NRK: variants seen among roughly 807,000 people sequenced by gnomAD.
The protein encoded by NRK is nik-related protein kinase.
In NRK, 67 loss-of-function variants were observed where a neutral mutation model predicts 125.2. The ratio of observed to expected loss-of-function variants is 0.54; its 90% confidence interval spans 0.44 to 0.66. The LOEUF (loss-of-function observed/expected upper bound fraction) is 0.66, where lower values mean the gene tolerates loss of function less well. NRK is among the 30% of genes least tolerant of loss of function. The probability of loss-of-function intolerance (pLI) is 0.00; values close to 1 mark genes in which losing one functional copy is unlikely to be tolerated. For missense variants in NRK, 1,224 were observed against 1,192.9 expected, an observed-to-expected ratio of 1.03 and a Z score of -0.38; for synonymous variants, 458 against 429.0, an observed-to-expected ratio of 1.07 and a Z score of -0.84.
intron 4 of NRK, among the ~76,000 whole-genome samples, chrX:105,887,695 C>T (rs916944360): frequency 8.9e-6 from 1 of 111,788 alleles, no homozygotes. Context: ...AAGAACTAGT[C>T]ACAAAAGACC....
chrX:105,869,898 A>G (rs1448512504), intron 2 of NRK, among the ~76,000 whole-genome samples: 1 of 109,545 alleles, frequency 9.1e-6, no homozygotes, highest in Non-Finnish European at 1.9e-5. Context: ...CATGCATTAC[A>G]TAAAGAAAGC....
At chrX:105,877,600 T>C (rs1399861928) in intron 2 of NRK, among the ~76,000 whole-genome samples, 2 of 110,809 alleles carry the variant, frequency 1.8e-5, no homozygotes, top group Non-Finnish European at 3.8e-5. Context: ...GGAACTCTTC[T>C]GAAATGCTCT....
At position 105,868,783 on chromosome X, in the gene NRK, A is replaced by G. The variant is rs900395387; in HGVS notation, c.124-11416A>G. Among the ~76,000 whole-genome samples the G allele has an allele frequency of 4.9e-5, 5 of 102,860 alleles. No homozygotes were observed. In the Admixed American group the frequency reaches 5.4e-4, roughly 11 times the overall value. 89.3% of individuals were successfully genotyped at this position (102,860 alleles called of 115,157 possible). ...ATATATTGAGGGGTTTAACTCTGAG[A>G]CTTTCAGTTGATTTCACACTCTTCA... On this transcript the variant is annotated intron_variant, in intron 2 of 28. Coordinates refer to ENST00000243300, the MANE Select transcript of NRK (RefSeq NM_198465.4).
Position 105,844,438 on chromosome X carries a change from G to T in NRK, c.123+13319G>T, listed in dbSNP as rs777247653. On this transcript the variant is annotated intron_variant, in intron 2 of 28. Coordinates refer to ENST00000243300, the MANE Select transcript of NRK (RefSeq NM_198465.4). The stretch of plus-strand genomic sequence containing the variant: ...TTTGATGGAAATTACCAAAATGTTT[G>T]TTGGAATCTGGAACACATAGCCTTA... 2.7e-5 allele frequency among the ~76,000 whole-genome samples: 3 copies of T among 112,059 alleles called. No homozygotes were observed. In the East Asian group the frequency reaches 8.5e-4, roughly 32 times the overall value.
intron 2 of NRK, among the ~76,000 whole-genome samples, chrX:105,877,162 A>T (rs1351306660): frequency 8.9e-6 from 1 of 111,789 alleles, no homozygotes; most frequent in Non-Finnish European, 1.9e-5. Context: ...AAAAATTCAC[A>T]TAACCTCAAT....
chrX:105,943,375 C>CTA (rs1356823054), intron 23 of NRK, among the ~76,000 whole-genome samples: 1 of 111,889 alleles, frequency 8.9e-6, no homozygotes, highest in Non-Finnish European at 1.9e-5. Flanking sequence ...TTCCATTGAT[C>CTA]TATATGTCTC....
Position 105,912,743 on chromosome X carries a change from T to TA in NRK, c.2344dup (p.Ile782AsnfsTer2), listed in dbSNP as rs765512231. ...CATTGAAGCCATACATTTCAAATCC[T>TA]AAAAAAATTGAGGTAAATTTTTCAA... is the stretch of plus-strand genomic sequence containing the variant. On this transcript the variant is annotated frameshift_variant, in exon 14 of 29. Coordinates refer to ENST00000243300, the MANE Select transcript of NRK (RefSeq NM_198465.4). LOFTEE classifies it high-confidence loss of function. The TA allele has an allele frequency of 2.8e-6, 3 of 1,054,935 alleles. No individual in the cohort carries two copies. The highest frequency in any genetic ancestry group is 1.9e-5 in the African/African-American group (1 of 52,323). 86.9% of individuals were successfully genotyped at this position (1,054,935 alleles called of 1,213,427 possible).
intron 19 of NRK, among the ~76,000 whole-genome samples, chrX:105,930,463 A>G (rs2147778485): frequency 9.0e-6 from 1 of 110,527 alleles, no homozygotes; most frequent in East Asian, 2.9e-4. Context: ...TTTCTCATTC[A>G]GATCATGATT....
At chrX:105,877,867 T>C (rs769274438) in intron 2 of NRK, among the ~76,000 whole-genome samples, 9 of 111,207 alleles carry the variant, frequency 8.1e-5, no homozygotes, top group Admixed American at 3.8e-4. Context: ...TTCTGTTTTA[T>C]GGCCATGGTT....
intron 1 of NRK, among the ~76,000 whole-genome samples, chrX:105,826,252 TAATA>T (rs1041838055): frequency 9.6e-5 from 8 of 83,152 alleles, no homozygotes; most frequent in Non-Finnish European, 1.8e-4. Context: ...ATATATATGA[TAATA>T]TATATTTCAT....
chrX:105,948,775 G>A (rs2040852593), intron 26 of NRK: 2 of 431,780 alleles, frequency 4.6e-6, no homozygotes, highest in Non-Finnish European at 7.8e-6. Context: ...TATAGTTTCT[G>A]ACTTTTTTTT....
intron 1 of NRK, 63 bp downstream of exon 1, chrX:105,822,965 G>A: frequency 1.0e-6 from 1 of 988,532 alleles, no homozygotes; most frequent in East Asian, 3.5e-5. Flanking sequence ...GCGTACCAGA[G>A]GGAGGGAGCG....
At chrX:105,891,230 A>G (rs888815031) in intron 5 of NRK, among the ~76,000 whole-genome samples, 1 of 111,900 alleles carries the variant, frequency 8.9e-6, no homozygotes, top group African/African-American at 3.3e-5. Flanking sequence ...GATCAATAAG[A>G]TATAAATTGT....
intron 25 of NRK, 93 bp from the exon 26 acceptor site, chrX:105,946,222 C>A: frequency 1.2e-6 from 1 of 851,288 alleles, no homozygotes; most frequent in Non-Finnish European, 1.6e-6. Flanking sequence ...GGGTTTTGTA[C>A]ACTTATAAAC....
At chrX:105,915,616 TATAAG>T in intron 14 of NRK, 109 bp from the exon 15 acceptor site, 1 of 380,016 alleles carries the variant, frequency 2.6e-6, no homozygotes. Flanking sequence ...AATCATATTT[TATAAG>T]TTAGATTTTA....
At chrX:105,944,083 T>C in intron 24 of NRK, 42 bp downstream of exon 24, 1 of 716,072 alleles carries the variant, frequency 1.4e-6, no homozygotes, top group Non-Finnish European at 2.1e-6. Flanking sequence ...GATTTTTTAT[T>C]TTGAGAAGAA....
At chrX:105,865,446 A>G (rs1363126866) in intron 2 of NRK, among the ~76,000 whole-genome samples, 1 of 111,414 alleles carries the variant, frequency 9.0e-6, no homozygotes, top group Non-Finnish European at 1.9e-5. Flanking sequence ...AGCACCAGAA[A>G]AGACCCTTGG....
chrX:105,822,580 C>T lies in NRK; in HGVS notation c.-266C>T. 4.9e-6 allele frequency: 2 copies of T among 409,623 alleles called. No homozygotes were observed. The highest frequency in any genetic ancestry group is 8.6e-6 in the Non-Finnish European group (2 of 233,035). 33.8% of individuals were successfully genotyped at this position (409,623 alleles called of 1,213,427 possible). On this transcript the variant is annotated 5_prime_UTR_variant, in exon 1 of 29. Transcript: ENST00000243300. Reference sequence around the variant, plus strand: ...ACACGGAGCACCCTTCTAGCTTCTTCGTCTCCAGGACTGACGCTCAGGCTC... The same window carrying T: ...ACACGGAGCACCCTTCTAGCTTCTTTGTCTCCAGGACTGACGCTCAGGCTC...
chrX:105,895,620 C>A, intron 7 of NRK, 97 bp downstream of exon 7: 1 of 576,750 alleles, frequency 1.7e-6, no homozygotes, highest in Non-Finnish European at 2.8e-6. Flanking sequence ...TGCCAATATC[C>A]TCTACTTATT....
Sources: allele counts gnomAD v4.1 joint callset (sites outside exome capture counted in the v4.1 genomes callset), GRCh38; gene constraint gnomAD v4.1.1; transcripts MANE v1.5; gene names NCBI Gene and HGNC (gene_info 2026-07-23, HGNC 2026-07-21).